AATF: variants seen among roughly 807,000 people sequenced by gnomAD.
The protein encoded by AATF is apoptosis antagonizing transcription factor, also known as protein AATF.
AATF carries 48 observed loss-of-function variants against 63.7 expected under a neutral mutation model. The observed-to-expected ratio is 0.75, with a 90% CI of 0.60 to 0.96. The LOEUF (loss-of-function observed/expected upper bound fraction) is 0.96. Among genes scored for constraint, AATF ranks in the 40% least tolerant of loss-of-function variants. The probability of loss-of-function intolerance (pLI) is 0.00; values close to 1 mark genes in which losing one functional copy is unlikely to be tolerated. For missense variants in AATF, 639 were observed against 685.7 expected (o/e 0.93, Z 0.76); for synonymous variants, 258 against 247.7 (o/e 1.04, Z -0.39).
rs192186895 is a variant in AATF, at chr17:37,049,412, C to T, written c.1620-7189C>T. On this transcript the variant is annotated intron_variant, in intron 11 of 11. Transcript: ENST00000619387. ...GGTCAGGAGATCGAGACCATCCTGG[C>T]TAACACAGTGAAACCCTGTGTGTAC... Among the ~76,000 whole-genome samples, 1,203 of 152,186 alleles carry T rather than the reference C, an allele frequency of 7.9e-3. 11 individuals are homozygous for T. The highest frequency in any genetic ancestry group is 0.031 in the Middle Eastern group (9 of 294).
intron 4 of AATF, among the ~76,000 whole-genome samples, chr17:36,961,490 A>G (rs1013918218): frequency 6.6e-6 from 1 of 152,208 alleles, no homozygotes; most frequent in Non-Finnish European, 1.5e-5. Context: ...GATATTTTAC[A>G]TTCCTTTTTT....
At chr17:37,023,074 T>G (rs1340166830) in intron 10 of AATF, among the ~76,000 whole-genome samples, 1 of 152,184 alleles carries the variant, frequency 6.6e-6, no homozygotes. Context: ...TATGAGGACA[T>G]AAATGTTCTC....
intron 4 of AATF, among the ~76,000 whole-genome samples, chr17:36,968,241 CT>C (rs869145747): frequency 8.9e-4 from 34 of 38,110 alleles, no homozygotes; most frequent in African/African-American, 5.9e-3. Context: ...CTATTTTTTT[CT>C]TTTTTCTTTT....
chr17:37,040,649 T>A lies in AATF; in HGVS notation c.1619+8964T>A, dbSNP rs565329323. Among the ~76,000 whole-genome samples, 5 of 152,258 alleles carry A rather than the reference T, an allele frequency of 3.3e-5. No homozygotes were observed. The East Asian group carries it at 7.7e-4, about 24-fold the overall frequency. ...GAAATTCACAAACTTTTAGAAATAT[T>A]TGGGAATCATGTGCCACAGGGAAGG... is the stretch of plus-strand genomic sequence containing the variant. On this transcript the variant is annotated intron_variant, in intron 11 of 11. Coordinates refer to ENST00000619387, the MANE Select transcript of AATF (RefSeq NM_012138.4).
intron 8 of AATF, among the ~76,000 whole-genome samples, chr17:37,014,531 C>T (rs960039596): frequency 5.3e-5 from 8 of 152,246 alleles, no homozygotes; most frequent in African/African-American, 1.7e-4. Flanking sequence ...TCTTGGTAAA[C>T]TGGGACATAT....
chr17:36,990,584 T>G (rs2071205844), intron 7 of AATF, among the ~76,000 whole-genome samples, 190 bp from the exon 8 acceptor site: 2 of 152,168 alleles, frequency 1.3e-5, no homozygotes, highest in African/African-American at 4.8e-5. Flanking sequence ...TATTTATGGG[T>G]TTTTTTGGTC....
intron 8 of AATF, among the ~76,000 whole-genome samples, chr17:36,993,496 C>T (rs901943570): frequency 6.6e-6 from 1 of 152,168 alleles, no homozygotes; most frequent in Non-Finnish European, 1.5e-5. Flanking sequence ...AGTGATAAGG[C>T]TAAAGAAAAT....
At chr17:37,031,464 G>A in intron 10 of AATF, 150 bp from the exon 11 acceptor site, 1 of 669,716 alleles carries the variant, frequency 1.5e-6, no homozygotes, top group East Asian at 2.7e-5. Flanking sequence ...CCCAATGACA[G>A]TGGTAAGTGC....
At chr17:37,053,628 G>C (rs913964717) in intron 11 of AATF, among the ~76,000 whole-genome samples, 1 of 152,206 alleles carries the variant, frequency 6.6e-6, no homozygotes, top group African/African-American at 2.4e-5. Context: ...CAGCACTTTG[G>C]GAGGCCAAGA....
rs554661690 is a variant in AATF, at chr17:37,013,595, C to T, written c.1399-5410C>T. Among the ~76,000 whole-genome samples, 22 of 147,574 alleles carry T rather than the reference C, an allele frequency of 1.5e-4. No homozygotes were observed. The East Asian group carries it at 3.9e-3, about 26-fold the overall frequency. ...AGCCAGCTCCTGGGCTCTAATAGAG[C>T]GGGAACTCACTCCCCACAACCAAGG... On this transcript the variant is annotated intron_variant, in intron 8 of 11. Coordinates refer to ENST00000619387, the MANE Select transcript of AATF (RefSeq NM_012138.4).
intron 11 of AATF, among the ~76,000 whole-genome samples, chr17:37,040,126 G>A (rs1227156245): frequency 6.6e-6 from 1 of 151,302 alleles, no homozygotes; most frequent in Non-Finnish European, 1.5e-5. Flanking sequence ...TAAATATATT[G>A]CAATATCTTA....
chr17:37,009,290 C>A (rs1333660336), intron 8 of AATF, among the ~76,000 whole-genome samples: 1 of 146,352 alleles, frequency 6.8e-6, no homozygotes, highest in Non-Finnish European at 1.5e-5. Flanking sequence ...TGCCACCATG[C>A]CCGGCTAATT....
chr17:37,017,235 C>A (rs1478061588), intron 8 of AATF, among the ~76,000 whole-genome samples: 2 of 152,188 alleles, frequency 1.3e-5, no homozygotes, highest in African/African-American at 4.8e-5. Flanking sequence ...TTGTTGTAAT[C>A]TTTTGTATGG....
intron 5 of AATF, among the ~76,000 whole-genome samples, chr17:36,987,163 T>A (rs1041012927): frequency 2.6e-4 from 40 of 151,140 alleles, no homozygotes; most frequent in Admixed American, 2.4e-3. Context: ...ATTTTTTTTT[T>A]TTTTTTTTGT....
intron 6 of AATF, 136 bp from the exon 7 acceptor site, chr17:36,989,111 C>T (rs2142248975): frequency 2.0e-6 from 2 of 1,019,754 alleles, no homozygotes. Context: ...CTCACAAACT[C>T]AGTCCTTTAC....
chr17:36,954,131 G>A (rs565369745), intron 4 of AATF, among the ~76,000 whole-genome samples: 4 of 147,454 alleles, frequency 2.7e-5, no homozygotes, highest in East Asian at 2.0e-4. Context: ...ACAGTGGCGC[G>A]ATCACAGGTT....
intron 11 of AATF, among the ~76,000 whole-genome samples, chr17:37,046,563 C>G (rs1050969833): frequency 6.6e-6 from 1 of 152,064 alleles, no homozygotes; most frequent in African/African-American, 2.4e-5. Flanking sequence ...ACTTCTTGTG[C>G]GTTTTGATTG....
At chr17:36,953,428 C>T in intron 3 of AATF, 132 bp downstream of exon 3, 1 of 1,444,688 alleles carries the variant, frequency 6.9e-7, no homozygotes, top group Middle Eastern at 2.3e-4. Flanking sequence ...CCCACTTACC[C>T]AGAAGCCTAA....
At chr17:37,024,059 A>G (rs1436024590) in intron 10 of AATF, among the ~76,000 whole-genome samples, 2 of 152,226 alleles carry the variant, frequency 1.3e-5, no homozygotes, top group Admixed American at 1.3e-4. Flanking sequence ...TTCAATATAG[A>G]CACAATCATT....
Sources: allele counts gnomAD v4.1 joint callset (sites outside exome capture counted in the v4.1 genomes callset), GRCh38; gene constraint gnomAD v4.1.1; transcripts MANE v1.5; gene names NCBI Gene and HGNC (gene_info 2026-07-23, HGNC 2026-07-21).